Variants in AQP8 observed in about 807,000 individuals in gnomAD.
AQP8 encodes the protein aquaporin-8.
In AQP8, 14 loss-of-function variants were observed where a neutral mutation model predicts 26.1. That is an observed-to-expected ratio of 0.54 (90% CI 0.35 to 0.84). The LOEUF (loss-of-function observed/expected upper bound fraction) is 0.84, where lower values mean the gene tolerates loss of function less well. Ranked by LOEUF, AQP8 falls within the 40% of genes least tolerant of loss-of-function variation. The probability of loss-of-function intolerance (pLI) is 0.01; values close to 1 mark genes in which losing one functional copy is unlikely to be tolerated. For missense variants in AQP8, 301 were observed against 340.5 expected, an observed-to-expected ratio of 0.88 and a Z score of 0.91; for synonymous variants, 131 against 150.7, an observed-to-expected ratio of 0.87 and a Z score of 0.96.
At position 25,220,053 on chromosome 16, in the gene AQP8, CAA is replaced by C. The variant is rs1395920377; in HGVS notation, c.261-1399_261-1398del. On this transcript the variant is annotated intron_variant, in intron 2 of 5. Transcript: ENST00000219660. The stretch of plus-strand genomic sequence containing the variant: ...CTGTCTCAAAAAAAAAAACAAAAAA[CAA>C]AAAACAAATCAAATCAAACCGTGCA... 1.9e-3 allele frequency among the ~76,000 whole-genome samples: 266 copies of C among 142,132 alleles called. 1 individual carries two copies. The highest frequency in any genetic ancestry group is 6.8e-3 in the African/African-American group (257 of 37,828). 93.2% of individuals were successfully genotyped at this position (142,132 alleles called of 152,430 possible).
Position 25,224,381 on chromosome 16 carries a change from G to A in AQP8, c.407G>A (p.Arg136Lys), listed in dbSNP as rs747169688. 29 of 1,613,730 alleles carry A rather than the reference G, an allele frequency of 1.8e-5. No homozygotes were observed. Among genetic ancestry groups the A allele is most frequent in the Non-Finnish European group, 1.6e-5 (19 of 1,179,934 alleles). ...GTGCAGGCGGTGAGTCCTGAGGAGA[G>A]GTTCTGGAATGCATCTGGGGCGGCC... ...ALAKAVSPEE[R>K]FWNASGAAFV... The change falls in exon 4 of 6, where the codon AGG becomes AAG. Residue 136 changes from arginine (R) to lysine (K), a missense_variant. Transcript: ENST00000219660.
chr16:25,218,448 C>T (rs578003205), intron 2 of AQP8, among the ~76,000 whole-genome samples: 64 of 152,220 alleles, frequency 4.2e-4, no homozygotes, highest in African/African-American at 1.3e-3. Flanking sequence ...CCAGCCATCA[C>T]GACGAAGATC....
chr16:25,221,409 T>C (rs111300774), intron 2 of AQP8, 48 bp from the exon 3 acceptor site: 1 of 1,597,038 alleles, frequency 6.3e-7, no homozygotes, highest in Admixed American at 1.7e-5. Flanking sequence ...GTGCCAGCCA[T>C]GTGGTCAGCC....
chr16:25,219,266 G>A (rs558243362), intron 2 of AQP8, among the ~76,000 whole-genome samples: 7 of 151,582 alleles, frequency 4.6e-5, no homozygotes, highest in Admixed American at 4.6e-4. Context: ...ACCCAGGCCA[G>A]CTGGCTGGAA....
chr16:25,228,690 T>G lies in AQP8; in HGVS notation c.*198T>G. ...GGTTCTTGGAATTCCTTTGTGCTCATCAGAGACCCCAGCCTGGGGAACACG... is the reference window on the plus strand; with the variant it reads ...GGTTCTTGGAATTCCTTTGTGCTCAGCAGAGACCCCAGCCTGGGGAACACG... On this transcript the variant is annotated 3_prime_UTR_variant, in exon 6 of 6. Transcript: ENST00000219660. 1.7e-6 allele frequency: 1 copy of G among 575,400 alleles called. No individual in the cohort carries two copies. The highest frequency in any genetic ancestry group is 3.1e-6 in the Non-Finnish European group (1 of 323,080). 35.6% of individuals were successfully genotyped at this position (575,400 alleles called of 1,614,324 possible). A position where few individuals can be genotyped will look rare whatever the true frequency, so the allele number is the denominator to read the frequency against.
In AQP8 at chr16:25,217,002, C is replaced by T. The variant is rs554114495; in HGVS notation, c.-44C>T. 1 of 1,613,496 alleles carries T rather than the reference C, an allele frequency of 6.2e-7. No homozygotes were observed. The highest frequency in any genetic ancestry group is 1.7e-5 in the Admixed American group (1 of 59,980). Reference sequence around the variant, plus strand: ...TCTTGCACAGCAGGTGCAGGTTTCCCAGCAGCTCAGGCAAGAGTCCGATGT... The same window carrying T: ...TCTTGCACAGCAGGTGCAGGTTTCCTAGCAGCTCAGGCAAGAGTCCGATGT... On this transcript the variant is annotated 5_prime_UTR_variant, in exon 1 of 6. Transcript: ENST00000219660.
chr16:25,221,881 C>G (rs879427866), intron 3 of AQP8, among the ~76,000 whole-genome samples: 3 of 152,158 alleles, frequency 2.0e-5, no homozygotes, highest in African/African-American at 7.2e-5. Flanking sequence ...AATTCTCCCA[C>G]CTCAGCCTCC....
Position 25,224,380 on chromosome 16 carries a change from A to T in AQP8, c.406A>T (p.Arg136Trp). 1 of 1,613,260 alleles carries T rather than the reference A, an allele frequency of 6.2e-7. No individual in the cohort carries two copies. The highest frequency in any genetic ancestry group is 8.5e-7 in the Non-Finnish European group (1 of 1,179,812). ...ALAKAVSPEE[R>W]FWNASGAAFV... ...TGTGCAGGCGGTGAGTCCTGAGGAG[A>T]GGTTCTGGAATGCATCTGGGGCGGC... Residue 136 changes from arginine to tryptophan, a missense_variant, in exon 4 of 6, where the codon AGG becomes TGG. Transcript: ENST00000219660.
chr16:25,226,383 C>T (rs891272816), intron 4 of AQP8, among the ~76,000 whole-genome samples: 2 of 152,166 alleles, frequency 1.3e-5, no homozygotes, highest in Non-Finnish European at 2.9e-5. Flanking sequence ...TTAGCCTCCC[C>T]AGTAGCTGGG....
chr16:25,228,451 A>G lies in AQP8; in HGVS notation c.745A>G (p.Ile249Val), dbSNP rs996399426. The G allele has an allele frequency of 1.2e-5, 20 of 1,613,872 alleles. No homozygotes were observed. Among genetic ancestry groups the G allele is most frequent in the Non-Finnish European group, 1.7e-5 (20 of 1,179,912 alleles). ...LLVGLLIRCF[I>V]GDGKTRLILK... ...GGGTCATCTTTCTTGCAGGTGCTTC[A>G]TTGGAGATGGGAAGACCCGCCTCAT... Residue 249 changes from isoleucine to valine, a missense_variant, in exon 6 of 6, where the codon ATT becomes GTT. Ile to Val is a conservative substitution (Grantham distance 29). Coordinates refer to ENST00000219660, the MANE Select transcript of AQP8 (RefSeq NM_001169.3).
At chr16:25,226,402 C>A (rs1179032641) in intron 4 of AQP8, among the ~76,000 whole-genome samples, 1 of 152,156 alleles carries the variant, frequency 6.6e-6, no homozygotes, top group Non-Finnish European at 1.5e-5. Context: ...GGACTACAGG[C>A]GTGTGCCACT....
Position 25,223,565 on chromosome 16 carries a change from G to A in AQP8, c.388-797G>A, listed in dbSNP as rs549308953. ...AAAAATTTTAAAAAAAACATTAGGT[G>A]GGCATGGTTGGTATGTACCTGTGGT... On this transcript the variant is annotated intron_variant, in intron 3 of 5. Transcript: ENST00000219660. Among the ~76,000 whole-genome samples, 265 of 152,138 alleles carry A rather than the reference G, an allele frequency of 1.7e-3. 2 individuals are homozygous for A. The highest frequency in any genetic ancestry group is 3.4e-3 in the Middle Eastern group (1 of 294).
Position 25,228,640 on chromosome 16 carries a change from TAGAC to T in AQP8, c.*149_*152del. On this transcript the variant is annotated 3_prime_UTR_variant, in exon 6 of 6. Coordinates refer to ENST00000219660, the MANE Select transcript of AQP8 (RefSeq NM_001169.3). ...CACTGCTTGGGCCTGCTTTCTCAGA[TAGAC>T]TGACTGCTGAGGAGGCTCTAGGTTC... 1.4e-6 allele frequency: 1 copy of T among 737,694 alleles called. No homozygotes were observed. The highest frequency in any genetic ancestry group is 2.3e-6 in the Non-Finnish European group (1 of 441,140). 45.7% of individuals were successfully genotyped at this position (737,694 alleles called of 1,614,324 possible).
intron 5 of AQP8, 53 bp from the exon 6 acceptor site, chr16:25,228,391 G>A (rs1962662796): frequency 5.1e-6 from 8 of 1,582,416 alleles, no homozygotes; most frequent in Non-Finnish European, 6.1e-6. Flanking sequence ...ACATGACGAA[G>A]GGCTGGGTCT....
chr16:25,217,561 C>G, intron 2 of AQP8, 116 bp downstream of exon 2: 4 of 1,418,756 alleles, frequency 2.8e-6, no homozygotes, highest in South Asian at 1.3e-5. Flanking sequence ...AAGGAGCGCT[C>G]TGGATAACTA....
rs1464024004 is a variant in AQP8 at position 25,217,012 on chromosome 16, G to A, written c.-34G>A. 3 of 1,613,850 alleles carry A rather than the reference G, an allele frequency of 1.9e-6. No individual in the cohort carries two copies. Among genetic ancestry groups the A allele is most frequent in the Admixed American group, 3.3e-5 (2 of 60,014 alleles). On this transcript the variant is annotated 5_prime_UTR_variant, in exon 1 of 6. Transcript: ENST00000219660. ...CAGGTGCAGGTTTCCCAGCAGCTCA[G>A]GCAAGAGTCCGATGTTTGTGCCATC...
At chr16:25,226,676 T>G (rs926419995) in intron 4 of AQP8, among the ~76,000 whole-genome samples, 1 of 152,198 alleles carries the variant, frequency 6.6e-6, no homozygotes, top group Non-Finnish European at 1.5e-5. Flanking sequence ...TATGATACAC[T>G]TTTTGTTATT....
At chr16:25,224,729 G>A (rs1044598079) in intron 4 of AQP8, among the ~76,000 whole-genome samples, 153 bp downstream of exon 4, 5 of 152,186 alleles carry the variant, frequency 3.3e-5, no homozygotes, top group South Asian at 4.1e-4. Context: ...CAGACAACAG[G>A]GAGTGGTGGG....
chr16:25,218,986 G>T (rs1962522980), intron 2 of AQP8, among the ~76,000 whole-genome samples: 1 of 151,472 alleles, frequency 6.6e-6, no homozygotes, highest in African/African-American at 2.4e-5. Flanking sequence ...CCTTTGGACG[G>T]ATCTGAGATT....
Sources: gnomAD v4.1 joint callset for allele counts (sites outside exome capture counted in the v4.1 genomes callset) on GRCh38, gnomAD v4.1.1 for gene constraint, MANE v1.5 for transcripts, NCBI Gene and HGNC (gene_info 2026-07-23, HGNC 2026-07-21) for gene names.